SNTG1: variants seen among roughly 807,000 people sequenced by gnomAD.
SNTG1 encodes gamma-1-syntrophin.
SNTG1 carries 39 observed loss-of-function variants against 74.7 expected under a neutral mutation model. That is an observed-to-expected ratio of 0.52 (90% CI 0.40 to 0.68). The LOEUF (loss-of-function observed/expected upper bound fraction) is 0.68, where lower values mean the gene tolerates loss of function less well. SNTG1 is among the 30% of genes least tolerant of loss of function. The pLI, the probability that SNTG1 is intolerant of heterozygous loss-of-function variation, is 0.00. For missense variants in SNTG1, 685 were observed against 609.5 expected (o/e 1.12, Z -1.30); for synonymous variants, 254 against 217.1 (o/e 1.17, Z -1.49).
chr8:49,956,849 GTCTC>G (rs954555989), intron 1 of SNTG1, among the ~76,000 whole-genome samples: 2 of 151,994 alleles, frequency 1.3e-5, no homozygotes, highest in African/African-American at 4.8e-5. Flanking sequence ...GGGTAATTCA[GTCTC>G]TCTCTTTTTT....
At chr8:50,132,928 C>T (rs961428530) in intron 1 of SNTG1, among the ~76,000 whole-genome samples, 1 of 152,152 alleles carries the variant, frequency 6.6e-6, no homozygotes, top group African/African-American at 2.4e-5. Flanking sequence ...ATGAGTTACA[C>T]ATAAAATCTC....
At chr8:50,346,368 G>A (rs11985591) in intron 2 of SNTG1, among the ~76,000 whole-genome samples, 9,948 of 152,182 alleles carry the variant, frequency 0.065, 353 homozygotes, top group African/African-American at 0.072. Flanking sequence ...AACTGTGCCC[G>A]TATCAGATGG....
intron 1 of SNTG1, among the ~76,000 whole-genome samples, chr8:49,970,264 C>T (rs1811539377): frequency 6.6e-6 from 1 of 152,110 alleles, no homozygotes; most frequent in Non-Finnish European, 1.5e-5. Context: ...CAACAAACAG[C>T]TTCAAGAATT....
chr8:50,310,879 G>A (rs1280080005), intron 2 of SNTG1, among the ~76,000 whole-genome samples: 1 of 152,062 alleles, frequency 6.6e-6, no homozygotes, highest in Non-Finnish European at 1.5e-5. Flanking sequence ...GTGTATAATT[G>A]AATCATGAAA....
chr8:49,916,333 C>A (rs1008901825), intron 1 of SNTG1, among the ~76,000 whole-genome samples: 1 of 152,088 alleles, frequency 6.6e-6, no homozygotes, highest in African/African-American at 2.4e-5. Flanking sequence ...CGTGAAGTTT[C>A]TTCAGCACAT....
At chr8:50,480,446 C>T (rs897334707) in intron 8 of SNTG1, among the ~76,000 whole-genome samples, 1 of 152,066 alleles carries the variant, frequency 6.6e-6, no homozygotes, top group African/African-American at 2.4e-5. Flanking sequence ...AGTTATAATG[C>T]TTGGTTTATT....
In SNTG1 at chr8:50,318,539, A is replaced by G. The variant is rs2090400582; in HGVS notation, c.-27-75673A>G. Among the ~76,000 whole-genome samples the G allele has an allele frequency of 2.0e-5, 3 of 152,232 alleles. No individual in the cohort carries two copies. In the South Asian group the frequency reaches 6.2e-4, roughly 32 times the overall value. ...CTAATCTCTCAATTACTCACAATAC[A>G]AATGGCGCTGTGTGACTCCCACGGT... On this transcript the variant is annotated intron_variant, in intron 2 of 18. Transcript: ENST00000642720.
chr8:49,917,995 A>G (rs1232873357), intron 1 of SNTG1, among the ~76,000 whole-genome samples: 1 of 152,188 alleles, frequency 6.6e-6, no homozygotes, highest in Non-Finnish European at 1.5e-5. Flanking sequence ...AGCGAAACAG[A>G]CTACATGCTA....
Position 50,123,855 on chromosome 8 carries a change from A to G in SNTG1, c.-102-48706A>G, listed in dbSNP as rs1382632071. On this transcript the variant is annotated intron_variant, in intron 1 of 18. Transcript: ENST00000642720. The stretch of plus-strand genomic sequence containing the variant: ...TCTTAAGTGATGTGCCCAAGTCCAT[A>G]CAGGTAGTAAGTAGCAGGGCTTGGA... Among the ~76,000 whole-genome samples the G allele has an allele frequency of 1.4e-5, 2 of 142,432 alleles. 1 individual carries two copies. The allele number at this position is 142,432 out of a possible 152,430, so 93.4% of individuals were successfully genotyped here.
chr8:50,139,744 A>G (rs936644117), intron 1 of SNTG1, among the ~76,000 whole-genome samples: 4 of 152,364 alleles, frequency 2.6e-5, no homozygotes, highest in Admixed American at 2.6e-4. Flanking sequence ...CATTTGAAGA[A>G]ACAGCTAATT....
intron 1 of SNTG1, among the ~76,000 whole-genome samples, chr8:50,120,253 A>C (rs203618): frequency 0.85 from 118,522 of 138,938 alleles, 53,403 homozygotes; most frequent in East Asian, 0.99. Context: ...AAAAAGTTAG[A>C]TCTTAGTATA....
chr8:50,309,024 TTCCCAAA>T (rs2090007897), intron 2 of SNTG1, among the ~76,000 whole-genome samples: 1 of 152,158 alleles, frequency 6.6e-6, no homozygotes, highest in African/African-American at 2.4e-5. Context: ...CAAATGTGTC[TTCCCAAA>T]TTCTAGGCAT....
chr8:50,671,792 G>C (rs1010566594), intron 15 of SNTG1, among the ~76,000 whole-genome samples: 6 of 151,782 alleles, frequency 4.0e-5, no homozygotes, highest in African/African-American at 1.2e-4. Flanking sequence ...TTGGAACCAA[G>C]CCAAATGTGC....
chr8:50,789,373 A>G (rs1361183564), intron 18 of SNTG1, among the ~76,000 whole-genome samples: 1 of 151,846 alleles, frequency 6.6e-6, no homozygotes, highest in Non-Finnish European at 1.5e-5. Context: ...AGTCTCAGGG[A>G]TGAGTGCCCA....
chr8:50,458,518 A>T, intron 8 of SNTG1, among the ~76,000 whole-genome samples: 1 of 152,182 alleles, frequency 6.6e-6, no homozygotes, highest in East Asian at 1.9e-4. Context: ...GAATTCAGAA[A>T]TAAAATATTA....
intron 9 of SNTG1, among the ~76,000 whole-genome samples, chr8:50,510,077 G>C (rs2094053258): frequency 6.6e-6 from 1 of 152,112 alleles, no homozygotes; most frequent in African/African-American, 2.4e-5. Flanking sequence ...TTATTTCTTT[G>C]AGATACATCC....
chr8:50,592,082 ATAAGTG>A (rs879930946), intron 13 of SNTG1, among the ~76,000 whole-genome samples: 16 of 152,170 alleles, frequency 1.1e-4, no homozygotes, highest in Non-Finnish European at 1.9e-4. Context: ...AGAACTGCAG[ATAAGTG>A]TAGTTCAAGA....
chr8:50,327,979 C>T (rs77837400), intron 2 of SNTG1, among the ~76,000 whole-genome samples: 2,739 of 152,150 alleles, frequency 0.018, 77 homozygotes, highest in African/African-American at 0.062. Flanking sequence ...TTTCTTTTAT[C>T]TTTGTTGTCA....
intron 1 of SNTG1, among the ~76,000 whole-genome samples, chr8:50,111,966 C>A (rs570550252): frequency 6.6e-6 from 1 of 152,114 alleles, no homozygotes; most frequent in African/African-American, 2.4e-5. Flanking sequence ...ATATAAGTAA[C>A]TTTATGGCAT....
Sources: allele counts gnomAD v4.1 joint callset (sites outside exome capture counted in the v4.1 genomes callset), GRCh38; gene constraint gnomAD v4.1.1; transcripts MANE v1.5; gene names NCBI Gene and HGNC (gene_info 2026-07-23, HGNC 2026-07-21).